The following SDK1 variants were observed in gnomAD, a reference collection of about 807,000 sequenced individuals.
SDK1 encodes the protein sidekick cell adhesion molecule 1, also known as protein sidekick-1.
In SDK1, 157 loss-of-function variants were observed where a neutral mutation model predicts 245.5. That is an observed-to-expected ratio of 0.64 (90% CI 0.56 to 0.73). The LOEUF (loss-of-function observed/expected upper bound fraction) is 0.73, where lower values mean the gene tolerates loss of function less well. Ranked by LOEUF, SDK1 falls within the 30% of genes least tolerant of loss-of-function variation. SDK1 has a pLI of 0.00. For synonymous variants in SDK1, 1,647 were observed against 1,278.5 expected (o/e 1.29, Z -6.15); for missense variants, 3,583 against 3,002.3 (o/e 1.19, Z -4.52).
intron 4 of SDK1, among the ~76,000 whole-genome samples, chr7:3,758,371 C>T (rs974205096): frequency 6.6e-6 from 1 of 152,106 alleles, no homozygotes; most frequent in African/African-American, 2.4e-5. Flanking sequence ...TGTCCCATCT[C>T]CCATTTATAT....
chr7:4,241,433 G>A lies in SDK1; in HGVS notation c.6131-360G>A, dbSNP rs889077821. On this transcript the variant is annotated intron_variant, in intron 42 of 44. Coordinates refer to ENST00000404826, the MANE Select transcript of SDK1 (RefSeq NM_152744.4). ...AAGGATCACTTGAGCCCAGGAACTCGAAACCAGCCTGGGCAACGTAGCGAG... is the reference window on the plus strand; with the variant it reads ...AAGGATCACTTGAGCCCAGGAACTCAAAACCAGCCTGGGCAACGTAGCGAG... 4.6e-5 allele frequency among the ~76,000 whole-genome samples: 7 copies of A among 152,242 alleles called. 1 individual carries two copies. In the East Asian group the frequency reaches 7.7e-4, roughly 17 times the overall value.
chr7:3,764,055 G>T (rs1468676722), intron 4 of SDK1, among the ~76,000 whole-genome samples: 1 of 152,174 alleles, frequency 6.6e-6, no homozygotes, highest in Non-Finnish European at 1.5e-5. Flanking sequence ...TTTGTGGATG[G>T]TCTGGAAACC....
chr7:3,816,515 T>C lies in SDK1; in HGVS notation c.714-4935T>C, dbSNP rs965446960. ...ATCTATAAGAAATGGATACATTCCTTGACACATACACTCTCCCAAGACTAA... is the reference window on the plus strand; with the variant it reads ...ATCTATAAGAAATGGATACATTCCTCGACACATACACTCTCCCAAGACTAA... On this transcript the variant is annotated intron_variant, in intron 4 of 44. Transcript: ENST00000404826. 4.6e-5 allele frequency among the ~76,000 whole-genome samples: 7 copies of C among 151,266 alleles called. No individual in the cohort carries two copies. In the East Asian group the frequency reaches 5.8e-4, roughly 12 times the overall value.
In SDK1 at chr7:3,641,819, C is replaced by G. The variant is rs530876282; in HGVS notation, c.566-139C>G. The G allele has an allele frequency of 1.1e-4, 76 of 703,944 alleles. No homozygotes were observed. The African/African-American group carries it at 1.3e-3, about 12-fold the overall frequency. 43.6% of individuals were successfully genotyped at this position (703,944 alleles called of 1,614,324 possible). A position where few individuals can be genotyped will look rare whatever the true frequency, so the allele number is the denominator to read the frequency against. On this transcript the variant is annotated intron_variant, in intron 3 of 44. Coordinates refer to ENST00000404826, the MANE Select transcript of SDK1 (RefSeq NM_152744.4). The stretch of plus-strand genomic sequence containing the variant: ...GCAGATCCGCGTTGGTCAGCGCTGC[C>G]GTGCAGTCTCGCTCGTCCTGGTGTG...
chr7:3,774,358 A>T (rs1156436466), intron 4 of SDK1, among the ~76,000 whole-genome samples: 1 of 152,194 alleles, frequency 6.6e-6, no homozygotes, highest in African/African-American at 2.4e-5. Flanking sequence ...GATCAAAAGC[A>T]GCAATCAGTG....
intron 1 of SDK1, among the ~76,000 whole-genome samples, chr7:3,595,776 C>T (rs1369941788): frequency 1.4e-5 from 2 of 140,940 alleles, no homozygotes; most frequent in Non-Finnish European, 3.0e-5. Context: ...TGCAGTGAGC[C>T]CAGATAGTGC....
chr7:4,110,591 T>G, intron 22 of SDK1, 72 bp from the exon 23 acceptor site: 2 of 1,079,436 alleles, frequency 1.9e-6, no homozygotes, highest in South Asian at 2.6e-5. Context: ...TACCAGCAGG[T>G]GCACATGGTC....
At position 3,593,554 on chromosome 7, in the gene SDK1, G is replaced by A. The variant is rs149912287; in HGVS notation, c.299-25526G>A. On this transcript the variant is annotated intron_variant, in intron 1 of 44. Transcript: ENST00000404826. ...CAAGATGTTTGTCTTTCCTATTGCCGTACTGCATTGACTAGCCTCAGCTAA... is the reference window on the plus strand; with the variant it reads ...CAAGATGTTTGTCTTTCCTATTGCCATACTGCATTGACTAGCCTCAGCTAA... 5.1e-3 allele frequency among the ~76,000 whole-genome samples: 769 copies of A among 152,260 alleles called. 4 individuals are homozygous for A. The highest frequency in any genetic ancestry group is 6.5e-3 in the Non-Finnish European group (444 of 68,030).
intron 1 of SDK1, among the ~76,000 whole-genome samples, chr7:3,364,922 T>C (rs1781049990): frequency 6.6e-6 from 1 of 152,236 alleles, no homozygotes; most frequent in African/African-American, 2.4e-5. Flanking sequence ...ACCATTTGTT[T>C]ACATCATTGA....
chr7:3,572,464 C>G (rs1232213962), intron 1 of SDK1, among the ~76,000 whole-genome samples: 1 of 151,916 alleles, frequency 6.6e-6, no homozygotes, highest in Admixed American at 6.6e-5. Context: ...GGGGAATTTC[C>G]TATAAACTGC....
chr7:4,069,885 G>C (rs71527468), intron 20 of SDK1, among the ~76,000 whole-genome samples: 25,409 of 152,128 alleles, frequency 0.17, 2,346 homozygotes, highest in African/African-American at 0.25. Context: ...GGGTGGTGAC[G>C]TCCCACCATC....
At chr7:3,550,148 CAATA>C (rs1276639005) in intron 1 of SDK1, among the ~76,000 whole-genome samples, 1 of 151,952 alleles carries the variant, frequency 6.6e-6, no homozygotes, top group African/African-American at 2.4e-5. Context: ...GTGTCTATCT[CAATA>C]TATGCATATC....
At chr7:4,034,887 AG>A (rs1788102121) in intron 17 of SDK1, among the ~76,000 whole-genome samples, 1 of 152,258 alleles carries the variant, frequency 6.6e-6, no homozygotes, top group Non-Finnish European at 1.5e-5. Flanking sequence ...GGGAAAAAGA[AG>A]GTACCAAAAT....
At chr7:4,260,701 C>G (rs555692056) in intron 44 of SDK1, among the ~76,000 whole-genome samples, 20 of 146,726 alleles carry the variant, frequency 1.4e-4, no homozygotes, top group African/African-American at 5.1e-4. Flanking sequence ...GCTGGCTGCT[C>G]CAGGGTCTCT....
At chr7:3,361,003 G>A (rs1029117099) in intron 1 of SDK1, among the ~76,000 whole-genome samples, 1 of 152,144 alleles carries the variant, frequency 6.6e-6, no homozygotes, top group African/African-American at 2.4e-5. Flanking sequence ...ACAAAATGGT[G>A]TGTTGGGAGT....
chr7:4,143,024 A>G (rs115905108), intron 28 of SDK1, among the ~76,000 whole-genome samples: 2,409 of 152,182 alleles, frequency 0.016, 64 homozygotes, highest in African/African-American at 0.055. Flanking sequence ...TTAAGGGGGA[A>G]CTCCGACCCA....
At chr7:3,896,098 G>T (rs895052538) in intron 5 of SDK1, among the ~76,000 whole-genome samples, 2 of 152,266 alleles carry the variant, frequency 1.3e-5, no homozygotes, top group African/African-American at 2.4e-5. Context: ...CAAGCTGGTT[G>T]ATAGTCCCGT....
intron 1 of SDK1, among the ~76,000 whole-genome samples, chr7:3,344,053 A>G (rs1562427790): frequency 6.6e-6 from 1 of 151,160 alleles, no homozygotes; most frequent in Admixed American, 6.6e-5. Context: ...ATGCATGTAT[A>G]TTTTCACTAA....
chr7:4,049,613 A>G, intron 18 of SDK1, 150 bp downstream of exon 18: 1 of 614,922 alleles, frequency 1.6e-6, no homozygotes, highest in Non-Finnish European at 2.9e-6. Flanking sequence ...CATTTATCCA[A>G]AGTCTTGGCA....
Sources: gnomAD v4.1 joint callset for allele counts (sites outside exome capture counted in the v4.1 genomes callset) on GRCh38, gnomAD v4.1.1 for gene constraint, MANE v1.5 for transcripts, NCBI Gene and HGNC (gene_info 2026-07-23, HGNC 2026-07-21) for gene names.